The following PSD3 variants were observed in gnomAD, a reference collection of about 807,000 sequenced individuals.
PSD3 encodes pleckstrin and Sec7 domain containing 3, also known as PH and SEC7 domain-containing protein 3.
PSD3 carries 49 observed loss-of-function variants against 105.5 expected under a neutral mutation model. The ratio of observed to expected loss-of-function variants is 0.46; its 90% CI spans 0.37 to 0.59. PSD3 has a LOEUF of 0.59. Ranked by LOEUF, PSD3 falls within the 20% of genes least tolerant of loss-of-function variation. The probability of loss-of-function intolerance (pLI) is 0.00; values close to 1 mark genes in which losing one functional copy is unlikely to be tolerated. For missense variants in PSD3, 1,561 were observed against 1,263.8 expected (o/e 1.24, Z -3.57); for synonymous variants, 557 against 457.8 (o/e 1.22, Z -2.77).
intron 1 of PSD3, among the ~76,000 whole-genome samples, chr8:19,072,030 T>A (rs1829282688): frequency 6.6e-6 from 1 of 151,348 alleles, no homozygotes; most frequent in African/African-American, 2.4e-5. Context: ...TTTTTAACCT[T>A]GTTAGAGGAC....
intron 9 of PSD3, among the ~76,000 whole-genome samples, chr8:18,740,273 A>G (rs1804461679): frequency 6.6e-6 from 1 of 152,016 alleles, no homozygotes; most frequent in Admixed American, 6.6e-5. Context: ...TCGCCCCCAC[A>G]CTGCTTTATG....
chr8:18,960,398 A>C (rs900538586), intron 1 of PSD3, among the ~76,000 whole-genome samples: 2 of 152,264 alleles, frequency 1.3e-5, no homozygotes, highest in African/African-American at 2.4e-5. Flanking sequence ...ATGGCAATAA[A>C]GAAAACTATT....
At chr8:18,844,504 C>G (rs933236139) in intron 4 of PSD3, among the ~76,000 whole-genome samples, 1 of 152,058 alleles carries the variant, frequency 6.6e-6, no homozygotes, top group Non-Finnish European at 1.5e-5. Context: ...CCCCTCTTGT[C>G]TACTATATTT....
intron 8 of PSD3, among the ~76,000 whole-genome samples, chr8:18,788,311 G>T (rs1277060664): frequency 6.6e-6 from 1 of 152,184 alleles, no homozygotes; most frequent in Non-Finnish European, 1.5e-5. Context: ...GAGCAAAGGG[G>T]AAAATGAAGA....
intron 2 of PSD3, among the ~76,000 whole-genome samples, chr8:18,890,024 C>A (rs56691214): frequency 0.024 from 3,614 of 152,130 alleles, 128 homozygotes; most frequent in African/African-American, 0.079. Context: ...TATTGCCCAA[C>A]CTGATATAAG....
intron 1 of PSD3, 149 bp from the exon 2 acceptor site, chr8:18,936,291 G>T: frequency 1.7e-6 from 1 of 577,762 alleles, no homozygotes; most frequent in Non-Finnish European, 3.1e-6. Context: ...CATGAAAAGT[G>T]TAACATGAAA....
chr8:18,973,076 C>T (rs1168905884), intron 1 of PSD3, among the ~76,000 whole-genome samples: 1 of 152,174 alleles, frequency 6.6e-6, no homozygotes, highest in Admixed American at 6.5e-5. Context: ...GATGGACTAC[C>T]TCACACAATC....
chr8:18,652,397 GA>G (rs1283903425), intron 10 of PSD3, among the ~76,000 whole-genome samples: 1 of 151,232 alleles, frequency 6.6e-6, no homozygotes, highest in African/African-American at 2.4e-5. Flanking sequence ...ATGGGTCAGA[GA>G]AAGTCTAGTT....
intron 11 of PSD3, among the ~76,000 whole-genome samples, chr8:18,611,075 G>A (rs903979073): frequency 2.6e-5 from 4 of 152,234 alleles, no homozygotes; most frequent in Non-Finnish European, 4.4e-5. Context: ...AACAATGAAA[G>A]TTAATTTAAC....
chr8:18,976,157 C>T (rs1195188068), intron 1 of PSD3, among the ~76,000 whole-genome samples: 1 of 150,932 alleles, frequency 6.6e-6, no homozygotes, highest in Non-Finnish European at 1.5e-5. Flanking sequence ...ACTAGAAAGA[C>T]ATTTGCAATG....
intron 11 of PSD3, among the ~76,000 whole-genome samples, chr8:18,621,547 A>C (rs75213713): frequency 6.6e-6 from 1 of 152,166 alleles, no homozygotes; most frequent in Non-Finnish European, 1.5e-5. Context: ...TTTTAGTCTA[A>C]ATTTTGAATT....
chr8:18,691,808 G>GA (rs1350711244), intron 9 of PSD3, among the ~76,000 whole-genome samples: 18 of 152,130 alleles, frequency 1.2e-4, no homozygotes, highest in African/African-American at 3.4e-4. Context: ...CCCTGCCCTT[G>GA]TGCTTCACAT....
chr8:18,774,184 A>G (rs934156409), intron 8 of PSD3, among the ~76,000 whole-genome samples: 3 of 53,206 alleles, frequency 5.6e-5, no homozygotes, highest in African/African-American at 1.1e-4. Context: ...TATTCCTTTA[A>G]TTTTGTTTTA....
At chr8:18,568,306 C>T (rs899121228) in intron 14 of PSD3, among the ~76,000 whole-genome samples, 1 of 129,434 alleles carries the variant, frequency 7.7e-6, no homozygotes, top group Non-Finnish European at 1.7e-5. Flanking sequence ...CTTGGCACAA[C>T]ATTCTCCCTG....
intron 2 of PSD3, among the ~76,000 whole-genome samples, chr8:18,933,102 G>T (rs1371395205): frequency 1.3e-5 from 2 of 152,230 alleles, no homozygotes; most frequent in Non-Finnish European, 1.5e-5. Flanking sequence ...CTCATTAAAT[G>T]TATTTGTTCA....
At chr8:18,548,962 A>C (rs1800605745) in intron 15 of PSD3, among the ~76,000 whole-genome samples, 1 of 152,020 alleles carries the variant, frequency 6.6e-6, no homozygotes, top group Admixed American at 6.6e-5. Context: ...TAATATTCTG[A>C]GTGGGATGTC....
intron 11 of PSD3, among the ~76,000 whole-genome samples, chr8:18,620,345 T>G (rs1366441434): frequency 7.0e-6 from 1 of 142,494 alleles, no homozygotes; most frequent in Non-Finnish European, 1.5e-5. Context: ...GGTTTGTGTT[T>G]TTTTTTTTTT....
intron 1 of PSD3, among the ~76,000 whole-genome samples, chr8:19,012,326 A>C (rs1826986529): frequency 6.6e-6 from 1 of 152,240 alleles, no homozygotes. Flanking sequence ...GGTGATGTTG[A>C]GCATGTTGCA....
chr8:19,080,783 A>C (rs1829620109), intron 1 of PSD3, among the ~76,000 whole-genome samples: 1 of 152,180 alleles, frequency 6.6e-6, no homozygotes, highest in Admixed American at 6.5e-5. Flanking sequence ...TCGCAAATTT[A>C]AGGCCATAGA....
Sources: gnomAD v4.1 joint callset for allele counts (sites outside exome capture counted in the v4.1 genomes callset) on GRCh38, gnomAD v4.1.1 for gene constraint, MANE v1.5 for transcripts, NCBI Gene and HGNC (gene_info 2026-07-23, HGNC 2026-07-21) for gene names.